The following MPST variants were observed in gnomAD, a reference collection of about 807,000 sequenced individuals.
The protein encoded by MPST is 3-mercaptopyruvate sulfurtransferase.
A neutral mutation model predicts 28.5 loss-of-function variants in MPST; 27 were observed. The ratio of observed to expected loss-of-function variants is 0.95; its 90% CI spans 0.70 to 1.31. The LOEUF (loss-of-function observed/expected upper bound fraction) is 1.31. MPST is among the 50% of genes most tolerant of loss of function. MPST has a pLI of 0.00. For synonymous variants in MPST, 204 were observed against 209.3 expected (o/e 0.97, Z 0.22); for missense variants, 492 against 471.1 (o/e 1.04, Z -0.41).
chr22:37,024,707 G>A lies in MPST; in HGVS notation c.552G>A (p.Lys184=). ...CTCAGCTCGACCCCGCCTTCATCAA[G>A]ACCTACGAGGACATCAAGGAGAACC... ...FRAQLDPAFI[K]TYEDIKENLE... The change falls in exon 2 of 3, where the codon AAG becomes AAA. Residue 184 remains lysine (K), a synonymous_variant. Transcript: ENST00000429360. 1 of 1,600,014 alleles carries A rather than the reference G, an allele frequency of 6.2e-7. No individual in the cohort carries two copies. The highest frequency in any genetic ancestry group is 8.5e-7 in the Non-Finnish European group (1 of 1,179,812).
chr22:37,026,193 T>C (rs1385095529), intron 2 of MPST: 2 of 152,152 alleles, frequency 1.3e-5, no homozygotes, highest in African/African-American at 4.8e-5. Flanking sequence ...GGTGCCAGAC[T>C]GGGGTTCAGA....
intron 2 of MPST, 139 bp downstream of exon 2, chr22:37,024,949 C>T: frequency 1.3e-6 from 2 of 1,518,520 alleles, no homozygotes; most frequent in African/African-American, 1.4e-5. Flanking sequence ...CCTTTCCTTC[C>T]CTTTCCCTTC....
rs1922906098 is a variant in MPST at position 37,019,762 on chromosome 22, T to C, written c.-75T>C. 1.6e-6 allele frequency: 1 copy of C among 639,016 alleles called. No individual in the cohort carries two copies. The highest frequency in any genetic ancestry group is 3.5e-5 in the East Asian group (1 of 28,936). 39.6% of individuals were successfully genotyped at this position (639,016 alleles called of 1,614,324 possible). ...GGGCTGTGCCGGAGTCTCCTCCCTT[T>C]GGTCCGCTGCAGGTTGGTGGCGGGA... On this transcript the variant is annotated 5_prime_UTR_variant, in exon 1 of 3. Transcript: ENST00000429360.
chr22:37,024,949 C>A (rs1362696746), intron 2 of MPST, 139 bp downstream of exon 2: 12 of 1,518,520 alleles, frequency 7.9e-6, no homozygotes, highest in Non-Finnish European at 1.1e-5. Context: ...CCTTTCCTTC[C>A]CTTTCCCTTC....
At chr22:37,023,690 A>T in intron 1 of MPST, 1 of 876,954 alleles carries the variant, frequency 1.1e-6, no homozygotes, top group Non-Finnish European at 1.5e-6. Flanking sequence ...GTTCTAGGAT[A>T]TTGTTAGGAT....
intron 1 of MPST, among the ~76,000 whole-genome samples, chr22:37,021,537 A>C (rs1923072939): frequency 6.6e-6 from 1 of 152,004 alleles, no homozygotes; most frequent in Non-Finnish European, 1.5e-5. Context: ...CAGTGGCGCG[A>C]TCTCGGCTCA....
chr22:37,024,805 G>C lies in MPST; in HGVS notation c.650G>C (p.Arg217Pro). ...GRFRGTEPEPRDGIEPGHIPG... is the reference protein window; with the variant it reads ...GRFRGTEPEPPDGIEPGHIPG... ...TTCCGCGGCACCGAGCCCGAGCCCC[G>C]AGACGGTAACGCGGGGGAAGGGGGC... The change falls in exon 2 of 3, where the codon CGA (arginine) becomes CCA (proline). Residue 217 changes from arginine to proline, a missense_variant. Arg to Pro is a moderately radical substitution (Grantham distance 103, BLOSUM62 -2). Coordinates refer to ENST00000429360, the MANE Select transcript of MPST (RefSeq NM_021126.8). The C allele has an allele frequency of 1.2e-6, 2 of 1,603,958 alleles. No homozygotes were observed. Among genetic ancestry groups the C allele is most frequent in the South Asian group, 1.1e-5 (1 of 90,946 alleles).
At chr22:37,023,622 C>A in intron 1 of MPST, 2 of 296,302 alleles carry the variant, frequency 6.7e-6, no homozygotes, top group Non-Finnish European at 1.0e-5. Flanking sequence ...AATAATATAC[C>A]AGGCCTCTTA....
At chr22:37,023,328 T>G (rs1298591846) in intron 1 of MPST, 2 of 152,478 alleles carry the variant, frequency 1.3e-5, no homozygotes, top group Non-Finnish European at 2.9e-5. Flanking sequence ...AATGGCACGA[T>G]CTCGGCTCAC....
chr22:37,025,075 C>T, intron 2 of MPST: 1 of 1,509,148 alleles, frequency 6.6e-7, no homozygotes, highest in East Asian at 2.6e-5. Context: ...CTCCTGGGCT[C>T]AGGTGACCCT....
intron 2 of MPST, chr22:37,028,154 A>G (rs1443895036): frequency 6.6e-6 from 1 of 152,180 alleles, no homozygotes; most frequent in Non-Finnish European, 1.5e-5. Flanking sequence ...TATTCCCAGC[A>G]CTTTGGGAAG....
At position 37,028,884 on chromosome 22, in the gene MPST, T is replaced by A. The variant is rs937867646; in HGVS notation, c.656-332T>A. Reference sequence around the variant, plus strand: ...GCCTGCAGGTACTGCACGTTCTAGCTAGGCAGGGGTCTTGTTTATTGCTTT... The same window carrying A: ...GCCTGCAGGTACTGCACGTTCTAGCAAGGCAGGGGTCTTGTTTATTGCTTT... On this transcript the variant is annotated intron_variant, in intron 2 of 2. Coordinates refer to ENST00000429360, the MANE Select transcript of MPST (RefSeq NM_021126.8). 1.6e-5 allele frequency: 4 copies of A among 253,420 alleles called. No individual in the cohort carries two copies. The Admixed American group carries it at 2.0e-4, about 13-fold the overall frequency. The allele number at this position is 253,420 out of a possible 1,614,324, so 15.7% of individuals were successfully genotyped here.
Position 37,029,588 on chromosome 22 carries a change from CT to C in MPST, c.*77del. On this transcript the variant is annotated 3_prime_UTR_variant, in exon 3 of 3. Coordinates refer to ENST00000429360, the MANE Select transcript of MPST (RefSeq NM_021126.8). ...GCCTGGCCTGGTAGCTCCGCTTCTG[CT>C]TTCACCAAGAGAGTGTTTCTTCACT... 7.1e-7 allele frequency: 1 copy of C among 1,413,426 alleles called. No individual in the cohort carries two copies. The highest frequency in any genetic ancestry group is 1.4e-5 in the South Asian group (1 of 72,920). The allele number at this position is 1,413,426 out of a possible 1,614,324, so 87.6% of individuals were successfully genotyped here.
chr22:37,025,710 A>C (rs1923475668), intron 2 of MPST: 1 of 153,458 alleles, frequency 6.5e-6, no homozygotes. Context: ...CAGACTCGGC[A>C]GCCTGCGCAC....
intron 1 of MPST, chr22:37,020,168 G>A (rs1202271698): frequency 8.4e-6 from 3 of 358,840 alleles, no homozygotes; most frequent in Non-Finnish European, 1.5e-5. Context: ...TGACCCAGAG[G>A]CCCCAGGAAG....
intron 1 of MPST, chr22:37,020,333 GC>G (rs1425338581): frequency 1.3e-5 from 2 of 154,010 alleles, no homozygotes; most frequent in Non-Finnish European, 2.9e-5. Context: ...GGAGAGAGCG[GC>G]AGAGCGAGTT....
At chr22:37,029,128 T>C in intron 2 of MPST, 88 bp from the exon 3 acceptor site, 2 of 1,212,154 alleles carry the variant, frequency 1.6e-6, no homozygotes, top group Non-Finnish European at 2.3e-6. Flanking sequence ...TTGCATGGGA[T>C]GCTCTCAATA....
At chr22:37,026,443 G>C (rs1017073807) in intron 2 of MPST, 1 of 152,114 alleles carries the variant, frequency 6.6e-6, no homozygotes, top group Non-Finnish European at 1.5e-5. Context: ...GGTGATACAC[G>C]CCTAGCAGGC....
chr22:37,024,363 G>A lies in MPST; in HGVS notation c.208G>A (p.Glu70Lys), dbSNP rs571141762. 6.5e-7 allele frequency: 1 copy of A among 1,544,562 alleles called. No homozygotes were observed. The highest frequency in any genetic ancestry group is 8.7e-7 in the Non-Finnish European group (1 of 1,145,988). The change falls in exon 2 of 3, where the codon GAG becomes AAG. Residue 70 changes from glutamate (E) to lysine (K), a missense_variant. Physicochemically the swap from Glu to Lys is moderately conservative, Grantham distance 56 (BLOSUM62 1). Coordinates refer to ENST00000429360, the MANE Select transcript of MPST (RefSeq NM_021126.8). ...GGGGCGCGACGCGCGACGCGAGTTC[G>A]AGGAGCGCCACATCCCGGGCGCCGC... ...KLGRDARREF[E>K]ERHIPGAAFF...
Sources: allele counts gnomAD v4.1 joint callset (sites outside exome capture counted in the v4.1 genomes callset), GRCh38; gene constraint gnomAD v4.1.1; transcripts MANE v1.5; gene names NCBI Gene and HGNC (gene_info 2026-07-23, HGNC 2026-07-21).